Variants in ENSA observed in about 807,000 individuals in gnomAD.
The protein encoded by ENSA is endosulfine alpha, also known as alpha-endosulfine.
ENSA carries 7 observed loss-of-function variants against 16.8 expected under a neutral mutation model. The ratio of observed to expected loss-of-function variants is 0.42; its 90% confidence interval spans 0.24 to 0.78. The LOEUF (loss-of-function observed/expected upper bound fraction) is 0.78. ENSA is among the 30% of genes least tolerant of loss of function. ENSA has a pLI of 0.29. For synonymous variants in ENSA, 58 were observed against 53.4 expected, an observed-to-expected ratio of 1.09 and a Z score of -0.37; for missense variants, 87 against 142.3, an observed-to-expected ratio of 0.61 and a Z score of 1.98.
At chr1:150,623,603 C>G (rs1649103138) in intron 3 of ENSA, 1 of 984,140 alleles carries the variant, frequency 1.0e-6, no homozygotes, top group Admixed American at 6.2e-5. Context: ...TTGAGAAGAT[C>G]GGAGATGAAG....
chr1:150,623,903 G>A (rs1249510078), intron 3 of ENSA: 4 of 985,474 alleles, frequency 4.1e-6, no homozygotes, highest in Non-Finnish European at 4.8e-6. Context: ...CCTGAACACT[G>A]AATGGCCAGT....
intron 2 of ENSA, chr1:150,627,064 T>G: frequency 7.9e-7 from 1 of 1,272,880 alleles, no homozygotes; most frequent in Non-Finnish European, 9.9e-7. Flanking sequence ...AAGTTGAGGA[T>G]TTATTTCTGT....
In ENSA at chr1:150,629,439, G is replaced by C; in HGVS notation, c.32C>G (p.Ala11Gly). 2 of 1,613,782 alleles carry C rather than the reference G, an allele frequency of 1.2e-6. No homozygotes were observed. Among genetic ancestry groups the C allele is most frequent in the Non-Finnish European group, 1.7e-6 (2 of 1,179,820 alleles). The part of the protein sequence containing the change: MSQKQEEENP[A>G]EETGEEKQDT... ...CTGCTTCTCCTCGCCGGTCTCCTCC[G>C]CAGGGTTCTCTTCTTCTTGTTTCTG... Residue 11 changes from alanine (A) to glycine (G), a missense_variant, in exon 1 of 4, where the codon GCG becomes GGG. Coordinates refer to ENST00000369014, the MANE Select transcript of ENSA (RefSeq NM_004436.4).
intron 3 of ENSA, chr1:150,623,883 T>C (rs1649126167): frequency 2.0e-6 from 2 of 985,500 alleles, no homozygotes; most frequent in Non-Finnish European, 1.2e-6. Flanking sequence ...CTATCCAATT[T>C]GAATGACAGC....
At chr1:150,626,446 A>AT (rs1227469117) in intron 2 of ENSA, 1 of 1,600,384 alleles carries the variant, frequency 6.2e-7, no homozygotes, top group Non-Finnish European at 8.6e-7. Context: ...AAGACTCAAT[A>AT]ACTGGGATCC....
At chr1:150,625,914 C>T in intron 2 of ENSA, 106 bp from the exon 3 acceptor site, 1 of 1,454,628 alleles carries the variant, frequency 6.9e-7, no homozygotes. Context: ...ACACTCGGAT[C>T]TTTCAAGAAG....
rs1447957401 is a variant in ENSA, at chr1:150,629,480, G to A, written c.-10C>T. On this transcript the variant is annotated 5_prime_UTR_variant, in exon 1 of 4. Coordinates refer to ENST00000369014, the MANE Select transcript of ENSA (RefSeq NM_004436.4). ...CTTGTTTCTGGGACATGGCGGGACC[G>A]GGACTGTGGAGTGTAAGGGGCCCGG... The A allele has an allele frequency of 1.2e-6, 2 of 1,613,110 alleles. No individual in the cohort carries two copies. Among genetic ancestry groups the A allele is most frequent in the Non-Finnish European group, 1.7e-6 (2 of 1,179,550 alleles).
At chr1:150,623,384 A>C (rs1426777010) in intron 3 of ENSA, 1 of 985,788 alleles carries the variant, frequency 1.0e-6, no homozygotes, top group East Asian at 1.1e-4. Flanking sequence ...CATGCTGTGG[A>C]AACTGGCAAA....
At chr1:150,623,198 G>A (rs1649076912) in intron 3 of ENSA, 1 of 1,108,250 alleles carries the variant, frequency 9.0e-7, no homozygotes, top group Non-Finnish European at 1.1e-6. Flanking sequence ...TCAGAGGCAT[G>A]GCCACAGCTA....
At chr1:150,628,869 T>C (rs1649535883) in intron 1 of ENSA, 1 of 615,050 alleles carries the variant, frequency 1.6e-6, no homozygotes, top group African/African-American at 1.8e-5. Flanking sequence ...GGGTCCTCAC[T>C]GAAGGTGAGC....
chr1:150,622,745 C>G lies in ENSA; in HGVS notation c.*99G>C. On this transcript the variant is annotated 3_prime_UTR_variant, in exon 4 of 4. Transcript: ENST00000369014. ...AGCCCACACCCGAGCCACCTCCTGA[C>G]CCCTGGCTGCAAAAGCAGGAAGGGG... 7.2e-7 allele frequency: 1 copy of G among 1,393,522 alleles called. No individual in the cohort carries two copies. Among genetic ancestry groups the G allele is most frequent in the Non-Finnish European group, 9.7e-7 (1 of 1,026,158 alleles). 86.3% of individuals were successfully genotyped at this position (1,393,522 alleles called of 1,614,324 possible).
In ENSA at chr1:150,622,845, C is replaced by T. The variant is rs764693193; in HGVS notation, c.365G>A (p.Ter122=). The T allele has an allele frequency of 4.1e-6, 6 of 1,450,710 alleles. No homozygotes were observed. Among genetic ancestry groups the T allele is most frequent in the Non-Finnish European group, 5.6e-6 (6 of 1,080,644 alleles). The allele number at this position is 1,450,710 out of a possible 1,614,324, so 89.9% of individuals were successfully genotyped here. The change falls in exon 4 of 4, where the codon TGA becomes TAA. Residue 122 remains the stop codon, a stop_retained_variant. Transcript: ENST00000369014. ...GATCTGGCAGAGCCCCGGGCAGCAT[C>T]ATTCAACTTGGCCACTGCGGACGAA... ...TSKLAGGQVE[*]
At chr1:150,626,730 G>T (rs1233687751) in intron 2 of ENSA, among the ~76,000 whole-genome samples, 1 of 152,142 alleles carries the variant, frequency 6.6e-6, no homozygotes, top group African/African-American at 2.4e-5. Flanking sequence ...CTAAGTGTTT[G>T]TATTATTAAT....
chr1:150,621,949 C>A (rs748772520), downstream of ENSA: 3 of 152,114 alleles, frequency 2.0e-5, no homozygotes, highest in Non-Finnish European at 2.9e-5. Context: ...GGTTGATGCA[C>A]CTTCTACATT....
chr1:150,629,235 C>T, intron 1 of ENSA, 179 bp downstream of exon 1: 1 of 1,539,366 alleles, frequency 6.5e-7, no homozygotes, highest in Non-Finnish European at 8.9e-7. Context: ...GAGTGACAAA[C>T]GACCCAACTA....
intron 1 of ENSA, chr1:150,628,858 T>C (rs1255270660): frequency 6.7e-6 from 4 of 598,392 alleles, no homozygotes; most frequent in Non-Finnish European, 8.9e-6. Context: ...TCAATATTGC[T>C]GGGTCCTCAC....
chr1:150,624,293 T>C (rs1164967925), intron 3 of ENSA: 1 of 985,830 alleles, frequency 1.0e-6, no homozygotes, highest in Non-Finnish European at 1.2e-6. Context: ...TTTCCCCAGC[T>C]TCCTCCAAGG....
intron 3 of ENSA, chr1:150,623,188 T>C: frequency 8.8e-7 from 1 of 1,132,576 alleles, no homozygotes; most frequent in South Asian, 2.8e-5. Context: ...GCAGGCTGTT[T>C]CAGAGGCATG....
At position 150,625,882 on chromosome 1, in the gene ENSA, C is replaced by T. The variant is rs1178976094; in HGVS notation, c.184-74G>A. ...CAAAAACAAGGAGACTCACATCTCA[C>T]ATCCATTATAAACCCTCATGCACAC... On this transcript the variant is annotated intron_variant, in intron 2 of 3. Transcript: ENST00000369014. 8 of 1,504,630 alleles carry T rather than the reference C, an allele frequency of 5.3e-6. No individual in the cohort carries two copies. The Admixed American group carries it at 6.8e-5, about 13-fold the overall frequency. 93.2% of individuals were successfully genotyped at this position (1,504,630 alleles called of 1,614,324 possible). A position where few individuals can be genotyped will look rare whatever the true frequency, so the allele number is the denominator to read the frequency against.
Sources: allele counts gnomAD v4.1 joint callset (sites outside exome capture counted in the v4.1 genomes callset), GRCh38; gene constraint gnomAD v4.1.1; transcripts MANE v1.5; gene names NCBI Gene and HGNC (gene_info 2026-07-23, HGNC 2026-07-21).